Variants in AUTS2 observed in about 807,000 individuals in gnomAD.
AUTS2 encodes the protein activator of transcription and developmental regulator AUTS2.
Under a neutral mutation model 112.4 loss-of-function variants are expected in AUTS2, and 17 were observed. The observed-to-expected ratio is 0.15, with a 90% CI of 0.10 to 0.23. The LOEUF (loss-of-function observed/expected upper bound fraction) is 0.23. AUTS2 is among the 10% of genes least tolerant of loss of function. The pLI is 1.00. For missense variants in AUTS2, 1,510 were observed against 1,701.6 expected, an observed-to-expected ratio of 0.89 and a Z score of 1.98; for synonymous variants, 751 against 702.7, an observed-to-expected ratio of 1.07 and a Z score of -1.09.
chr7:69,631,556 G>A (rs1794246869), intron 1 of AUTS2, among the ~76,000 whole-genome samples: 1 of 152,130 alleles, frequency 6.6e-6, no homozygotes, highest in Admixed American at 6.5e-5. Flanking sequence ...GATAGCATAG[G>A]CAAGGTTCAT....
intron 4 of AUTS2, among the ~76,000 whole-genome samples, chr7:70,429,074 A>C (rs921624208): frequency 6.6e-6 from 1 of 152,254 alleles, no homozygotes; most frequent in African/African-American, 2.4e-5. Context: ...AACCTCCCTC[A>C]GTATGTTCAC....
rs59700110 is a variant in AUTS2, at chr7:70,123,257, A to G, written c.624+5024A>G. 7.0e-3 allele frequency among the ~76,000 whole-genome samples: 1,072 copies of G among 152,300 alleles called. 13 individuals carry two copies. Among genetic ancestry groups the G allele is most frequent in the African/African-American group, 0.025 (1,039 of 41,562 alleles). ...AACACCTACCTGCACAATATTTTAG[A>G]GAATAAAGATGCCCCATTTTTTCTT... On this transcript the variant is annotated intron_variant, in intron 3 of 18. Transcript: ENST00000342771.
intron 1 of AUTS2, among the ~76,000 whole-genome samples, chr7:69,614,314 C>CCCTT (rs1793204510): frequency 6.0e-5 from 5 of 83,320 alleles, no homozygotes; most frequent in Non-Finnish European, 9.7e-5. Context: ...CACTCTCCGT[C>CCCTT]TCTTTCTTTC....
chr7:69,853,762 A>C (rs1038236870), intron 1 of AUTS2, among the ~76,000 whole-genome samples: 4 of 152,220 alleles, frequency 2.6e-5, no homozygotes, highest in African/African-American at 9.6e-5. Flanking sequence ...GAATTGTTTT[A>C]CTGTACTTAG....
intron 1 of AUTS2, among the ~76,000 whole-genome samples, chr7:69,613,402 T>C (rs1793148152): frequency 1.3e-5 from 2 of 152,216 alleles, no homozygotes; most frequent in South Asian, 4.1e-4. Context: ...CTGTAACATA[T>C]TCGTTGTTGT....
At chr7:70,779,285 C>G (rs1790908044) in intron 14 of AUTS2, among the ~76,000 whole-genome samples, 1 of 152,170 alleles carries the variant, frequency 6.6e-6, no homozygotes, top group Non-Finnish European at 1.5e-5. Context: ...TCTTCCCTCT[C>G]TCTGTAACGT....
chr7:70,694,219 G>GC lies in AUTS2; in HGVS notation c.691-4347dup, dbSNP rs1808927451. 1 of 149,812 alleles carries GC rather than the reference G, an allele frequency of 6.7e-6. No individual in the cohort carries two copies. The highest frequency in any genetic ancestry group is 1.5e-5 in the Non-Finnish European group (1 of 67,000). 9.3% of individuals were successfully genotyped at this position (149,812 alleles called of 1,614,324 possible). A position where few individuals can be genotyped will look rare whatever the true frequency, so the allele number is the denominator to read the frequency against. On this transcript the variant is annotated intron_variant, in intron 5 of 18. Coordinates refer to ENST00000342771, the MANE Select transcript of AUTS2 (RefSeq NM_015570.4). This position sits in a 1 kb window ranked among gnomAD's most constrained non-coding sequence, Gnocchi z 4.1. ...CTGTGAACCGGCGGGAGAGGCAGGC[G>GC]CCCGCAAGCCGAGCGCGGGCCGGAG...
intron 2 of AUTS2, 116 bp from the exon 3 acceptor site, chr7:70,118,016 G>A: frequency 7.9e-7 from 1 of 1,271,600 alleles, no homozygotes; most frequent in Non-Finnish European, 1.0e-6. Flanking sequence ...CGAAAGTGCT[G>A]GGATTACAGG....
At chr7:70,016,430 T>A (rs1800031302) in intron 2 of AUTS2, among the ~76,000 whole-genome samples, 1 of 152,090 alleles carries the variant, frequency 6.6e-6, no homozygotes, top group Non-Finnish European at 1.5e-5. Flanking sequence ...AGGAGGAGAT[T>A]TGGGGGATAG....
Position 69,928,053 on chromosome 7 carries a change from T to C in AUTS2, c.522+28555T>C, listed in dbSNP as rs113405487. ...CAGGAAGAATGGGTTATGTGGACAA[T>C]TGTAGGGTGATCAAGGCAGAAAGGA... is the stretch of plus-strand genomic sequence containing the variant. On this transcript the variant is annotated intron_variant, in intron 2 of 18. Coordinates refer to ENST00000342771, the MANE Select transcript of AUTS2 (RefSeq NM_015570.4). Among the ~76,000 whole-genome samples, 69 of 152,136 alleles carry C rather than the reference T, an allele frequency of 4.5e-4. 5 individuals are homozygous for C. Among genetic ancestry groups the C allele is most frequent in the African/African-American group, 1.6e-3 (65 of 41,518 alleles).
At chr7:70,027,149 CT>C (rs757201862) in intron 2 of AUTS2, among the ~76,000 whole-genome samples, 5 of 152,054 alleles carry the variant, frequency 3.3e-5, no homozygotes, top group African/African-American at 4.8e-5. Flanking sequence ...GCTTTTTTGA[CT>C]TTTGATATTT....
At chr7:69,779,280 G>A (rs1455557702) in intron 1 of AUTS2, among the ~76,000 whole-genome samples, 2 of 152,048 alleles carry the variant, frequency 1.3e-5, no homozygotes, top group Admixed American at 1.3e-4. Flanking sequence ...CTGACACATA[G>A]TGTCTGTGCA....
chr7:69,852,294 T>G (rs1282564535), intron 1 of AUTS2, among the ~76,000 whole-genome samples: 1 of 152,202 alleles, frequency 6.6e-6, no homozygotes, highest in East Asian at 1.9e-4. Flanking sequence ...TCTTTTTATA[T>G]ATTGCTAAAT....
At chr7:70,121,968 A>G (rs902156218) in intron 3 of AUTS2, among the ~76,000 whole-genome samples, 1 of 152,228 alleles carries the variant, frequency 6.6e-6, no homozygotes, top group Admixed American at 6.5e-5. Flanking sequence ...ACAAAATGTG[A>G]CAGCTTGGCT....
intron 2 of AUTS2, among the ~76,000 whole-genome samples, chr7:70,084,843 C>A (rs1230111550): frequency 6.6e-6 from 1 of 151,932 alleles, no homozygotes; most frequent in African/African-American, 2.4e-5. Context: ...CAGCGTCTTA[C>A]AAGATAAGAG....
intron 5 of AUTS2, among the ~76,000 whole-genome samples, chr7:70,536,692 G>A (rs1016650379): frequency 2.7e-5 from 4 of 150,884 alleles, no homozygotes; most frequent in African/African-American, 7.3e-5. Context: ...CCTGAGGTCG[G>A]GAGTTCAAGA....
chr7:70,782,345 G>A (rs1791145016), intron 15 of AUTS2: 1 of 141,742 alleles, frequency 7.1e-6, no homozygotes, highest in Non-Finnish European at 1.5e-5. Flanking sequence ...TTAGGAAACG[G>A]TGTAAACACC....
At chr7:70,074,333 C>T (rs1243515291) in intron 2 of AUTS2, among the ~76,000 whole-genome samples, 1 of 152,090 alleles carries the variant, frequency 6.6e-6, no homozygotes, top group Non-Finnish European at 1.5e-5. Context: ...ATTATATAGA[C>T]CATGTCTTTC....
chr7:70,393,594 C>G (rs896384032), intron 4 of AUTS2, among the ~76,000 whole-genome samples: 1 of 152,074 alleles, frequency 6.6e-6, no homozygotes, highest in Non-Finnish European at 1.5e-5. Flanking sequence ...TTGATCTGGT[C>G]CTCTGTCCTT....
Sources: gnomAD v4.1 joint callset for allele counts (sites outside exome capture counted in the v4.1 genomes callset) on GRCh38, gnomAD v4.1.1 for gene constraint, Gnocchi (gnomAD v3.1) non-coding constraint, MANE v1.5 for transcripts, NCBI Gene and HGNC (gene_info 2026-07-23, HGNC 2026-07-21) for gene names.